The following RBM27 variants were observed in gnomAD, a reference collection of about 807,000 sequenced individuals.
RBM27 encodes RNA binding motif protein 27.
A neutral mutation model predicts 135.3 loss-of-function variants in RBM27; 22 were observed. The observed-to-expected ratio is 0.16, with a 90% CI of 0.12 to 0.23. The LOEUF (loss-of-function observed/expected upper bound fraction) is 0.23. RBM27 is among the 10% of genes least tolerant of loss of function. The pLI, the probability that RBM27 is intolerant of heterozygous loss-of-function variation, is 1.00. For synonymous variants in RBM27, 481 were observed against 442.4 expected (o/e 1.09, Z -1.10); for missense variants, 1,009 against 1,281.0 (o/e 0.79, Z 3.24).
chr5:146,221,994 G>A (rs1401563271), intron 2 of RBM27, among the ~76,000 whole-genome samples: 1 of 151,860 alleles, frequency 6.6e-6, no homozygotes, highest in African/African-American at 2.4e-5. Flanking sequence ...TTGTTTAATA[G>A]TAGATGTTTA....
intron 17 of RBM27, 79 bp from the exon 18 acceptor site, chr5:146,270,875 C>T: frequency 1.2e-6 from 1 of 853,804 alleles, no homozygotes; most frequent in South Asian, 1.6e-5. Context: ...ACATGTGTGT[C>T]ATTGTGTAAC....
chr5:146,211,707 C>T (rs942557914), intron 1 of RBM27, among the ~76,000 whole-genome samples: 2 of 151,566 alleles, frequency 1.3e-5, no homozygotes, highest in Non-Finnish European at 2.9e-5. Flanking sequence ...TCTCGAACTC[C>T]TGACCTCAGG....
In RBM27 at chr5:146,233,726, T is replaced by C; in HGVS notation, c.1127T>C (p.Val376Ala). 2 of 1,444,422 alleles carry C rather than the reference T, an allele frequency of 1.4e-6. No homozygotes were observed. The highest frequency in any genetic ancestry group is 1.8e-6 in the Non-Finnish European group (2 of 1,096,610). 89.5% of individuals were successfully genotyped at this position (1,444,422 alleles called of 1,614,324 possible). ...PQGHGQPPPS[V>A]VLPIPRPPIT... ...GGACATGGTCAGCCTCCACCATCCG[T>C]TGTGCTTCCCATACCAAGTAAGTAT... The change falls in exon 7 of 21, where the codon GTT becomes GCT. Residue 376 changes from valine to alanine, a missense_variant. Val to Ala is a moderately conservative substitution (Grantham distance 64, BLOSUM62 0). This residue lies in a region of RBM27 where 329 missense variants were observed against 368.1 expected (regional missense o/e 0.89). Coordinates refer to ENST00000265271, the MANE Select transcript of RBM27 (RefSeq NM_018989.2).
chr5:146,207,289 C>A (rs895166660), intron 1 of RBM27, among the ~76,000 whole-genome samples: 2 of 152,094 alleles, frequency 1.3e-5, no homozygotes, highest in Non-Finnish European at 2.9e-5. Flanking sequence ...GTGGCACTCA[C>A]TGCAACCTCT....
rs1173750025 is a variant in RBM27, at chr5:146,271,552, C to G, written c.2866C>G (p.Arg956Gly). ...TMSSQGRGRG[R>G]GRGGRGRGSL... The stretch of plus-strand genomic sequence containing the variant: ...GTCCTCTCAAGGTCGAGGAAGAGGC[C>G]GAGGGCGTGGAGGAAGAGGAAGGGG... Residue 956 changes from arginine (R) to glycine (G), a missense_variant, in exon 19 of 21, where the codon CGA (arginine) becomes GGA (glycine). Transcript: ENST00000265271. 5 of 1,613,482 alleles carry G rather than the reference C, an allele frequency of 3.1e-6. No homozygotes were observed. Among genetic ancestry groups the G allele is most frequent in the Non-Finnish European group, 4.2e-6 (5 of 1,179,628 alleles).
intron 13 of RBM27, among the ~76,000 whole-genome samples, chr5:146,263,259 A>G (rs1758472073): frequency 6.6e-6 from 1 of 152,194 alleles, no homozygotes; most frequent in African/African-American, 2.4e-5. Context: ...TTTTGTGTGT[A>G]GGTGCATGTA....
chr5:146,258,714 TC>T, intron 11 of RBM27, 121 bp downstream of exon 11: 1 of 818,022 alleles, frequency 1.2e-6, no homozygotes, highest in Non-Finnish European at 1.7e-6. Flanking sequence ...AAGTTAGGGT[TC>T]CAGGAGACAT....
intron 2 of RBM27, among the ~76,000 whole-genome samples, chr5:146,221,183 T>TA (rs951451787): frequency 6.0e-5 from 9 of 149,704 alleles, no homozygotes; most frequent in Admixed American, 1.3e-4. Context: ...TTTTAGTAAT[T>TA]AAAAAAAAAA....
Position 146,239,344 on chromosome 5 carries a change from A to G in RBM27, c.1279+1912A>G, listed in dbSNP as rs10428614. Among the ~76,000 whole-genome samples, 1,519 of 152,162 alleles carry G rather than the reference A, an allele frequency of 1.0e-2. 23 individuals are homozygous for G. Among genetic ancestry groups the G allele is most frequent in the African/African-American group, 0.035 (1,449 of 41,516 alleles). ...CTAAGTCATACCACATAATGCTGCT[A>G]AGCTAATTTTCCTGAGAAATCCAAC... On this transcript the variant is annotated intron_variant, in intron 8 of 20. Coordinates refer to ENST00000265271, the MANE Select transcript of RBM27 (RefSeq NM_018989.2).
chr5:146,278,047 C>T (rs537350505), intron 19 of RBM27, among the ~76,000 whole-genome samples: 4 of 152,268 alleles, frequency 2.6e-5, no homozygotes, highest in South Asian at 2.1e-4. Context: ...TGGTACAGCT[C>T]GCTAAATAAC....
intron 4 of RBM27, 43 bp from the exon 5 acceptor site, chr5:146,229,674 G>A (rs1756844668): frequency 1.3e-6 from 2 of 1,486,332 alleles, no homozygotes; most frequent in Non-Finnish European, 1.9e-6. Context: ...TGCAGACTTG[G>A]TTTCTATAGC....
chr5:146,207,532 A>G (rs1401839774), intron 1 of RBM27, among the ~76,000 whole-genome samples: 1 of 150,996 alleles, frequency 6.6e-6, no homozygotes, highest in African/African-American at 2.4e-5. Flanking sequence ...ATGATTTTCT[A>G]TTACATTTTC....
At chr5:146,267,570 C>A in intron 14 of RBM27, 79 bp from the exon 15 acceptor site, 1 of 957,410 alleles carries the variant, frequency 1.0e-6, no homozygotes, top group South Asian at 1.7e-5. Context: ...ATATATGCAT[C>A]TTTTCTAAAA....
intron 1 of RBM27, among the ~76,000 whole-genome samples, chr5:146,204,396 A>G (rs145952562): frequency 6.6e-6 from 1 of 152,326 alleles, no homozygotes; most frequent in East Asian, 1.9e-4. Context: ...TATGGAGTAG[A>G]TGAAAAGGAT....
chr5:146,232,154 A>C (rs1756962280), intron 6 of RBM27, among the ~76,000 whole-genome samples: 1 of 152,200 alleles, frequency 6.6e-6, no homozygotes, highest in South Asian at 2.1e-4. Context: ...GTTTTAATGT[A>C]TGCTCCCACT....
At chr5:146,222,326 CT>C (rs2126720307) in intron 2 of RBM27, among the ~76,000 whole-genome samples, 1 of 152,294 alleles carries the variant, frequency 6.6e-6, no homozygotes, top group South Asian at 2.1e-4. Context: ...TTGTGTTGTG[CT>C]TTTAATATGC....
chr5:146,214,700 T>C (rs1254721230), intron 1 of RBM27, among the ~76,000 whole-genome samples: 1 of 152,222 alleles, frequency 6.6e-6, no homozygotes, highest in Admixed American at 6.5e-5. Context: ...ATTATTCAAT[T>C]AGTCTATTAT....
At chr5:146,241,302 T>C (rs1412018619) in intron 8 of RBM27, among the ~76,000 whole-genome samples, 1 of 152,242 alleles carries the variant, frequency 6.6e-6, no homozygotes, top group African/African-American at 2.4e-5. Context: ...GCTTAATAAA[T>C]AAATTAATTT....
At chr5:146,283,812 T>C (rs534652865) in intron 19 of RBM27, among the ~76,000 whole-genome samples, 1 of 152,344 alleles carries the variant, frequency 6.6e-6, no homozygotes, top group Non-Finnish European at 1.5e-5. Context: ...GCAATGATTT[T>C]GCTAGATAGA....
Sources: allele counts gnomAD v4.1 joint callset (sites outside exome capture counted in the v4.1 genomes callset), GRCh38; gene constraint gnomAD v4.1.1; regional missense constraint gnomAD v4.1.1; transcripts MANE v1.5; gene names NCBI Gene and HGNC (gene_info 2026-07-23, HGNC 2026-07-21).